Variants in PLG observed in about 807,000 individuals in gnomAD.
PLG encodes the protein plasminogen, also known as plasmin.
A neutral mutation model predicts 104.4 loss-of-function variants in PLG; 41 were observed. The ratio of observed to expected loss-of-function variants is 0.39; its 90% CI spans 0.31 to 0.51. The LOEUF (loss-of-function observed/expected upper bound fraction) is 0.51, where lower values mean the gene tolerates loss of function less well. PLG is among the 20% of genes least tolerant of loss of function. The pLI, the probability that PLG is intolerant of heterozygous loss-of-function variation, is 0.76. For synonymous variants in PLG, 337 were observed against 357.1 expected, an observed-to-expected ratio of 0.94 and a Z score of 0.63; for missense variants, 891 against 1,003.6, an observed-to-expected ratio of 0.89 and a Z score of 1.52.
rs923936901 is a variant in PLG, at chr6:160,752,582, A to G, written c.2272-318A>G. On this transcript the variant is annotated intron_variant, in intron 18 of 18. Coordinates refer to ENST00000308192, the MANE Select transcript of PLG (RefSeq NM_000301.5). The surrounding 1 kb of genome is among the most constrained non-coding windows in gnomAD (Gnocchi z 4.7). ...CGGTAGGGAAGGAGGTAGAGGATAC[A>G]GGACAGAGACCAACTGCACACACTT... Among the ~76,000 whole-genome samples, 3 of 152,180 alleles carry G rather than the reference A, an allele frequency of 2.0e-5. No homozygotes were observed. The highest frequency in any genetic ancestry group is 2.9e-5 in the Non-Finnish European group (2 of 68,036).
chr6:160,743,007 G>A (rs941119610), intron 17 of PLG, among the ~76,000 whole-genome samples: 1 of 86,370 alleles, frequency 1.2e-5, no homozygotes, highest in African/African-American at 4.8e-5. Context: ...ACTGGTCTAC[G>A]TGTCTTTTTT....
At position 160,719,230 on chromosome 6, in the gene PLG, T is replaced by G. The variant is rs1167163007; in HGVS notation, c.1096+392T>G. 6.6e-6 allele frequency among the ~76,000 whole-genome samples: 1 copy of G among 152,210 alleles called. No individual in the cohort carries two copies. Among genetic ancestry groups the G allele is most frequent in the Non-Finnish European group, 1.5e-5 (1 of 68,034 alleles). ...TAAATTAGTCTATTTCTCTTTTAGA[T>G]CGTAACTCTTTTGTATATTTTGAAG... On this transcript the variant is annotated intron_variant, in intron 9 of 18. Transcript: ENST00000308192. The surrounding 1 kb of genome is among the most constrained non-coding windows in gnomAD (Gnocchi z 4.1).
At chr6:160,704,672 C>G (rs1379776712) in intron 1 of PLG, among the ~76,000 whole-genome samples, 3 of 152,172 alleles carry the variant, frequency 2.0e-5, no homozygotes, top group East Asian at 1.9e-4. Flanking sequence ...AGTGGATTAG[C>G]TTTAGAATGC....
rs1246545761 is a variant in PLG, at chr6:160,741,543, T to G, written c.2125+126T>G. 1.4e-6 allele frequency: 1 copy of G among 733,814 alleles called. No homozygotes were observed. The highest frequency in any genetic ancestry group is 1.7e-5 in the African/African-American group (1 of 57,572). 45.5% of individuals were successfully genotyped at this position (733,814 alleles called of 1,614,324 possible). A position where few individuals can be genotyped will look rare whatever the true frequency, so the allele number is the denominator to read the frequency against. On this transcript the variant is annotated intron_variant, in intron 17 of 18. Transcript: ENST00000308192. This position sits in a 1 kb window ranked among gnomAD's most constrained non-coding sequence, Gnocchi z 4.7. ...GAATGTGGTCCACCCCACTCCTGATTTTGCCTGGGCACCTGTCTATGTCTT... is the reference window on the plus strand; with the variant it reads ...GAATGTGGTCCACCCCACTCCTGATGTTGCCTGGGCACCTGTCTATGTCTT...
rs1778188303 is a variant in PLG, at chr6:160,741,219, G to A, written c.2019-92G>A. 1.3e-5 allele frequency: 11 copies of A among 865,876 alleles called. No homozygotes were observed. The South Asian group carries it at 1.3e-4, about 10-fold the overall frequency. 53.6% of individuals were successfully genotyped at this position (865,876 alleles called of 1,614,324 possible). A position where few individuals can be genotyped will look rare whatever the true frequency, so the allele number is the denominator to read the frequency against. On this transcript the variant is annotated intron_variant, in intron 16 of 18. Coordinates refer to ENST00000308192, the MANE Select transcript of PLG (RefSeq NM_000301.5). This position sits in a 1 kb window ranked among gnomAD's most constrained non-coding sequence, Gnocchi z 4.7. ...GAAGCAAGGCAGTGCCAGTTCAGAG[G>A]GCTCTGGGGCCTCAAGACAGGGATG... is the stretch of plus-strand genomic sequence containing the variant.
intron 5 of PLG, 96 bp from the exon 6 acceptor site, chr6:160,714,698 A>C: frequency 8.1e-7 from 1 of 1,237,784 alleles, no homozygotes. Context: ...GGCAAGTCGC[A>C]CTTAAGTGAG....
chr6:160,730,172 C>T (rs1252182521), intron 10 of PLG, among the ~76,000 whole-genome samples: 6 of 152,250 alleles, frequency 3.9e-5, no homozygotes, highest in Non-Finnish European at 7.3e-5. Flanking sequence ...AGCCCGGGGT[C>T]CTCGCCTGCT....
rs1387117714 is a variant in PLG, at chr6:160,753,005, T to C, written c.2377T>C (p.Tyr793His). Reference sequence around the variant, plus strand: ...TGCACGCCCCAATAAGCCTGGTGTCTATGTTCGTGTTTCAAGGTTTGTTAC... The same window carrying C: ...TGCACGCCCCAATAAGCCTGGTGTCCATGTTCGTGTTTCAAGGTTTGTTAC... ...GCARPNKPGV[Y>H]VRVSRFVTWI... is the part of the protein sequence containing the mutation. Residue 793 changes from tyrosine to histidine, a missense_variant, in exon 19 of 19, where the codon TAT (tyrosine) becomes CAT (histidine). Tyr to His is a moderately conservative substitution (Grantham distance 83). This residue lies in a region of PLG where 37 missense variants were observed against 71.5 expected (regional missense o/e 0.52). Transcript: ENST00000308192. The surrounding 1 kb of genome is among the most constrained non-coding windows in gnomAD (Gnocchi z 5.4). The C allele has an allele frequency of 1.9e-6, 3 of 1,600,826 alleles. No individual in the cohort carries two copies. The Admixed American group carries it at 5.0e-5, about 27-fold the overall frequency.
rs1777781614 is a variant in PLG at position 160,718,525 on chromosome 6, G to A, written c.950+69G>A. 2.8e-6 allele frequency: 4 copies of A among 1,421,332 alleles called. No homozygotes were observed. In the Admixed American group the frequency reaches 5.0e-5, roughly 18 times the overall value. The allele number at this position is 1,421,332 out of a possible 1,614,324, so 88.0% of individuals were successfully genotyped here. On this transcript the variant is annotated intron_variant, in intron 8 of 18. Transcript: ENST00000308192. ...TCCCATTGACTTTGCCTTAGTTTTA[G>A]TTACTGTAGGAACGCAGGATAAAGT...
chr6:160,748,348 A>AAGAAAGAAAGAGAGAGAG (rs1778313347), intron 17 of PLG, among the ~76,000 whole-genome samples: 1 of 63,006 alleles, frequency 1.6e-5, no homozygotes, highest in Non-Finnish European at 3.1e-5. Context: ...GAAGAAAAGA[A>AAGAAAGAAAGAGAGAGAG]AGAGAAAGAA....
At position 160,744,990 on chromosome 6, in the gene PLG, G is replaced by C. The variant is rs1421520842; in HGVS notation, c.2125+3573G>C. 6.6e-6 allele frequency among the ~76,000 whole-genome samples: 1 copy of C among 152,046 alleles called. No homozygotes were observed. The highest frequency in any genetic ancestry group is 1.5e-5 in the Non-Finnish European group (1 of 67,974). On this transcript the variant is annotated intron_variant, in intron 17 of 18. Transcript: ENST00000308192. This position sits in a 1 kb window ranked among gnomAD's most constrained non-coding sequence, Gnocchi z 4.5. ...TGAGTTATTTTCTTAGTCTTGACTG[G>C]TATTTCATTGTGCTGTGGTCTGAGA... is the stretch of plus-strand genomic sequence containing the variant.
chr6:160,714,706 G>A (rs1270397242), intron 5 of PLG, 88 bp from the exon 6 acceptor site: 2 of 1,334,162 alleles, frequency 1.5e-6, no homozygotes, highest in African/African-American at 2.9e-5. Context: ...GCACTTAAGT[G>A]AGTAGGATTC....
chr6:160,748,795 T>C (rs11965952), intron 17 of PLG, among the ~76,000 whole-genome samples: 4,487 of 152,304 alleles, frequency 0.029, 255 homozygotes, highest in African/African-American at 0.1. Context: ...TTCTCGTGGC[T>C]GCAGATGCTG....
chr6:160,716,879 T>A (rs773696434), intron 7 of PLG, 116 bp downstream of exon 7: 1 of 764,456 alleles, frequency 1.3e-6, no homozygotes, highest in Non-Finnish European at 2.4e-6. Flanking sequence ...ACAAGTCCTA[T>A]GGGATGTTAT....
chr6:160,742,235 T>C (rs1010168628), intron 17 of PLG, among the ~76,000 whole-genome samples: 4 of 152,212 alleles, frequency 2.6e-5, no homozygotes, highest in Non-Finnish European at 5.9e-5. Context: ...AGAATCACCA[T>C]ACTGCTTTCT....
In PLG at chr6:160,739,061, T is replaced by C. The variant is rs753617898; in HGVS notation, c.1878-7T>C. 1.2e-5 allele frequency: 19 copies of C among 1,613,952 alleles called. No homozygotes were observed. The East Asian group carries it at 4.0e-4, about 34-fold the overall frequency. On this transcript the variant is annotated splice_polypyrimidine_tract_variant and splice_region_variant and intron_variant, in intron 15 of 18. Coordinates refer to ENST00000308192, the MANE Select transcript of PLG (RefSeq NM_000301.5). This position sits in a 1 kb window ranked among gnomAD's most constrained non-coding sequence, Gnocchi z 4.4. The stretch of plus-strand genomic sequence containing the variant: ...TATTTTCCTCTTGACGTCCTCATCT[T>C]TTCTAGGTCCCCAAGGCCTTCATCC...
intron 17 of PLG, among the ~76,000 whole-genome samples, chr6:160,749,304 C>T (rs1415609415): frequency 6.6e-6 from 1 of 152,078 alleles, no homozygotes; most frequent in Non-Finnish European, 1.5e-5. Context: ...CTACCATCAT[C>T]ATCCCCACCA....
chr6:160,738,653 T>A lies in PLG; in HGVS notation c.1877+41T>A. 7.8e-7 allele frequency: 1 copy of A among 1,280,642 alleles called. No homozygotes were observed. Among genetic ancestry groups the A allele is most frequent in the Non-Finnish European group, 1.1e-6 (1 of 875,448 alleles). The allele number at this position is 1,280,642 out of a possible 1,614,324, so 79.3% of individuals were successfully genotyped here. A position where few individuals can be genotyped will look rare whatever the true frequency, so the allele number is the denominator to read the frequency against. ...AATTGACATGAAGTCTTGTCTTAAA[T>A]ACTTTTTCTGTCCTTCTTTTCCTCC... On this transcript the variant is annotated intron_variant, in intron 15 of 18. Transcript: ENST00000308192. The surrounding 1 kb of genome is among the most constrained non-coding windows in gnomAD (Gnocchi z 6.8).
At chr6:160,718,540 C>T in intron 8 of PLG, 84 bp downstream of exon 8, 2 of 1,365,936 alleles carry the variant, frequency 1.5e-6, no homozygotes, top group Non-Finnish European at 2.1e-6. Flanking sequence ...TGTAGGAACG[C>T]AGGATAAAGT....
Sources: gnomAD v4.1 joint callset for allele counts (sites outside exome capture counted in the v4.1 genomes callset) on GRCh38, gnomAD v4.1.1 for gene constraint, gnomAD v4.1.1 regional missense constraint, Gnocchi (gnomAD v3.1) non-coding constraint, MANE v1.5 for transcripts, NCBI Gene and HGNC (gene_info 2026-07-23, HGNC 2026-07-21) for gene names.